The following ULK4 variants were observed in gnomAD, a reference collection of about 807,000 sequenced individuals.
ULK4 encodes the protein unc-51 like kinase 4.
A neutral mutation model predicts 160.6 loss-of-function variants in ULK4; 133 were observed. The observed-to-expected ratio is 0.83, with a 90% confidence interval of 0.72 to 0.96. The LOEUF is 0.96. Ranked by LOEUF, ULK4 falls within the 40% of genes least tolerant of loss-of-function variation. The pLI, the probability that ULK4 is intolerant of heterozygous loss-of-function variation, is 0.00. For missense variants in ULK4, 1,580 were observed against 1,499.5 expected (o/e 1.05, Z -0.89); for synonymous variants, 534 against 539.8 (o/e 0.99, Z 0.15).
At chr3:41,716,309 T>A (rs1185694993) in intron 23 of ULK4, among the ~76,000 whole-genome samples, 2 of 150,430 alleles carry the variant, frequency 1.3e-5, no homozygotes, top group Non-Finnish European at 3.0e-5. Context: ...AGAGAATAGG[T>A]TGGAGGTAAA....
intron 29 of ULK4, among the ~76,000 whole-genome samples, chr3:41,676,278 T>C (rs889452726): frequency 6.6e-6 from 1 of 152,250 alleles, no homozygotes; most frequent in Non-Finnish European, 1.5e-5. Flanking sequence ...GTAAGTATCC[T>C]TTTCTTGACC....
chr3:41,830,399 C>G (rs1024247464), intron 18 of ULK4, among the ~76,000 whole-genome samples: 1 of 151,534 alleles, frequency 6.6e-6, no homozygotes, highest in Non-Finnish European at 1.5e-5. Flanking sequence ...TTCTAGAAAA[C>G]GAAAACAAGT....
chr3:41,851,273 G>T (rs529005150), intron 17 of ULK4, among the ~76,000 whole-genome samples: 4 of 152,214 alleles, frequency 2.6e-5, no homozygotes, highest in Admixed American at 1.3e-4. Context: ...TTTATTGAGA[G>T]TTTTTAGCAT....
chr3:41,750,528 T>C (rs1015120196), intron 22 of ULK4, among the ~76,000 whole-genome samples: 10 of 152,290 alleles, frequency 6.6e-5, no homozygotes, highest in Middle Eastern at 6.8e-3. Flanking sequence ...CTCTGAATGG[T>C]TTAATGTACC....
chr3:41,666,883 C>T (rs931778642), intron 29 of ULK4, among the ~76,000 whole-genome samples: 3 of 152,144 alleles, frequency 2.0e-5, no homozygotes, highest in Non-Finnish European at 2.9e-5. Flanking sequence ...GTGGCTCACA[C>T]CTGTAATCCC....
At chr3:41,688,015 C>G (rs886979206) in intron 27 of ULK4, 6 of 152,234 alleles carry the variant, frequency 3.9e-5, no homozygotes, top group African/African-American at 1.4e-4. Context: ...ACACCCACTC[C>G]CCACCCGGAA....
chr3:41,576,183 A>G (rs566973117), intron 31 of ULK4, among the ~76,000 whole-genome samples: 1 of 152,342 alleles, frequency 6.6e-6, no homozygotes, highest in Non-Finnish European at 1.5e-5. Context: ...CGAAAAGTAA[A>G]AATAGCAATA....
intron 35 of ULK4, among the ~76,000 whole-genome samples, chr3:41,302,744 T>C (rs2079825134): frequency 6.6e-6 from 1 of 152,202 alleles, no homozygotes; most frequent in South Asian, 2.1e-4. Context: ...TAAAAAGCTC[T>C]GATTCCAAAT....
At chr3:41,865,634 C>T (rs2125688447) in intron 17 of ULK4, among the ~76,000 whole-genome samples, 1 of 152,262 alleles carries the variant, frequency 6.6e-6, no homozygotes, top group Middle Eastern at 3.4e-3. Flanking sequence ...AAGACAGGGA[C>T]AACACCTGTT....
chr3:41,440,969 G>C (rs937673839), intron 34 of ULK4, among the ~76,000 whole-genome samples: 1 of 151,918 alleles, frequency 6.6e-6, no homozygotes, highest in Non-Finnish European at 1.5e-5. Flanking sequence ...AATATCTGTA[G>C]AATTTGTAGA....
chr3:41,385,986 A>G (rs1464261973), intron 35 of ULK4, among the ~76,000 whole-genome samples: 1 of 152,176 alleles, frequency 6.6e-6, no homozygotes, highest in Non-Finnish European at 1.5e-5. Context: ...GCAAGCCTGG[A>G]TGCTTATTAT....
intron 32 of ULK4, among the ~76,000 whole-genome samples, chr3:41,494,064 C>T (rs1264804697): frequency 4.0e-5 from 5 of 124,640 alleles, no homozygotes; most frequent in African/African-American, 5.8e-5. Context: ...AGGGAATCCT[C>T]CCTAACTCAT....
At chr3:41,688,019 C>T (rs1384346728) in intron 27 of ULK4, 2 of 152,266 alleles carry the variant, frequency 1.3e-5, no homozygotes, top group East Asian at 3.8e-4. Context: ...CCACTCCCCA[C>T]CCGGAAGTTA....
At chr3:41,932,535 G>A (rs550962358) in intron 4 of ULK4, among the ~76,000 whole-genome samples, 1 of 152,152 alleles carries the variant, frequency 6.6e-6, no homozygotes, top group African/African-American at 2.4e-5. Context: ...TAACTCTTCA[G>A]ACTGCTGTAA....
At chr3:41,804,252 T>C (rs1372795608) in intron 19 of ULK4, among the ~76,000 whole-genome samples, 2 of 152,186 alleles carry the variant, frequency 1.3e-5, no homozygotes, top group East Asian at 1.9e-4. Flanking sequence ...GTGAGCATTT[T>C]TTCATGTGTT....
chr3:41,430,318 A>G (rs2082876155), intron 34 of ULK4, among the ~76,000 whole-genome samples: 1 of 152,236 alleles, frequency 6.6e-6, no homozygotes, highest in Non-Finnish European at 1.5e-5. Context: ...TCCATAAAAT[A>G]AAGTTTCAGC....
At chr3:41,289,576 T>A (rs905316118) in intron 35 of ULK4, among the ~76,000 whole-genome samples, 3 of 152,098 alleles carry the variant, frequency 2.0e-5, no homozygotes, top group Non-Finnish European at 4.4e-5. Context: ...TTTCACACAA[T>A]AAAAGCCTGG....
At chr3:41,784,906 C>G (rs917027527) in intron 21 of ULK4, among the ~76,000 whole-genome samples, 4 of 152,094 alleles carry the variant, frequency 2.6e-5, no homozygotes, top group Non-Finnish European at 4.4e-5. Flanking sequence ...TTACAAACTA[C>G]AAATAACTAT....
intron 35 of ULK4, among the ~76,000 whole-genome samples, chr3:41,304,761 T>C (rs989294910): frequency 3.3e-5 from 5 of 152,240 alleles, no homozygotes; most frequent in African/African-American, 7.2e-5. Context: ...GAAGTCAATC[T>C]GGCAAACCAG....
Sources: allele counts gnomAD v4.1 joint callset (sites outside exome capture counted in the v4.1 genomes callset), GRCh38; gene constraint gnomAD v4.1.1; transcripts MANE v1.5; gene names NCBI Gene and HGNC (gene_info 2026-07-23, HGNC 2026-07-21).